The following HSD17B4 variants were observed in gnomAD, a reference collection of about 807,000 sequenced individuals.
HSD17B4 encodes peroxisomal multifunctional enzyme type 2.
Under a neutral mutation model 101.0 loss-of-function variants are expected in HSD17B4, and 70 were observed. The ratio of observed to expected loss-of-function variants is 0.69; its 90% CI spans 0.57 to 0.85. The LOEUF (loss-of-function observed/expected upper bound fraction) is 0.85. Ranked by LOEUF, HSD17B4 falls within the 40% of genes least tolerant of loss-of-function variation. The pLI, the probability that HSD17B4 is intolerant of heterozygous loss-of-function variation, is 0.00. For missense variants in HSD17B4, 984 were observed against 892.4 expected (o/e 1.10, Z -1.31); for synonymous variants, 347 against 297.1 (o/e 1.17, Z -1.73).
intron 17 of HSD17B4, 116 bp downstream of exon 17, chr5:119,515,162 A>G: frequency 1.4e-6 from 1 of 701,728 alleles, no homozygotes; most frequent in Non-Finnish European, 2.6e-6. Context: ...ATATGTTATT[A>G]TTCAACATAA....
At chr5:119,521,750 G>T (rs2126861211) in intron 17 of HSD17B4, among the ~76,000 whole-genome samples, 1 of 151,734 alleles carries the variant, frequency 6.6e-6, no homozygotes, top group East Asian at 1.9e-4. Context: ...CTTCATGTAT[G>T]TCATCCATTT....
intron 17 of HSD17B4, among the ~76,000 whole-genome samples, chr5:119,515,804 A>G (rs748261623): frequency 3.9e-5 from 6 of 152,280 alleles, no homozygotes; most frequent in Non-Finnish European, 7.4e-5. Flanking sequence ...CAGAAAGGTC[A>G]CTTTAAAAAA....
intron 2 of HSD17B4, among the ~76,000 whole-genome samples, chr5:119,465,694 A>G (rs1360264098): frequency 6.6e-6 from 1 of 152,212 alleles, no homozygotes; most frequent in Non-Finnish European, 1.5e-5. Flanking sequence ...ACTTTACTGT[A>G]TTCATTTATC....
At chr5:119,516,665 A>C (rs535728893) in intron 17 of HSD17B4, among the ~76,000 whole-genome samples, 1 of 152,326 alleles carries the variant, frequency 6.6e-6, no homozygotes, top group East Asian at 1.9e-4. Flanking sequence ...ATTTTGCATA[A>C]AACTTTGCAT....
chr5:119,488,401 T>C (rs997537450), intron 8 of HSD17B4, among the ~76,000 whole-genome samples: 1 of 152,130 alleles, frequency 6.6e-6, no homozygotes, highest in African/African-American at 2.4e-5. Flanking sequence ...ATAGAAGGAA[T>C]AAATTCTAGT....
intron 2 of HSD17B4, among the ~76,000 whole-genome samples, chr5:119,460,092 G>T (rs1755071336): frequency 1.3e-5 from 2 of 151,422 alleles, no homozygotes; most frequent in South Asian, 4.2e-4. Context: ...AGCCAGGATG[G>T]TCTCGATCTC....
chr5:119,475,774 A>G (rs775250197), intron 5 of HSD17B4, 47 bp downstream of exon 5: 83 of 1,582,828 alleles, frequency 5.2e-5, no homozygotes, highest in Non-Finnish European at 6.8e-5. Flanking sequence ...TAATTTTTTT[A>G]AAAAGTATAT....
chr5:119,471,654 T>G (rs1361120303), intron 2 of HSD17B4: 9 of 1,425,276 alleles, frequency 6.3e-6, no homozygotes, highest in Non-Finnish European at 8.4e-6. Context: ...ATCTATGCAA[T>G]AACCCTATGG....
intron 2 of HSD17B4, chr5:119,456,673 G>A (rs1233644405): frequency 2.4e-6 from 1 of 415,158 alleles, no homozygotes; most frequent in Non-Finnish European, 4.4e-6. Flanking sequence ...CTTGAGACCA[G>A]GAGTTCGAGC....
chr5:119,536,919 CT>C (rs1183813632), intron 23 of HSD17B4, among the ~76,000 whole-genome samples: 1 of 152,028 alleles, frequency 6.6e-6, no homozygotes, highest in Non-Finnish European at 1.5e-5. Context: ...CCATGTCTTA[CT>C]TAGGGTGAAT....
chr5:119,474,281 A>G (rs1045569040), intron 3 of HSD17B4, 120 bp from the exon 4 acceptor site: 5 of 773,956 alleles, frequency 6.5e-6, no homozygotes, highest in South Asian at 1.4e-5. Flanking sequence ...GTAGATATGG[A>G]TATGTTCTTC....
intron 6 of HSD17B4, among the ~76,000 whole-genome samples, chr5:119,477,046 T>C (rs1748653759): frequency 6.6e-6 from 1 of 152,214 alleles, no homozygotes; most frequent in Non-Finnish European, 1.5e-5. Context: ...AGCTATGTGA[T>C]TTATGATTAT....
intron 8 of HSD17B4, among the ~76,000 whole-genome samples, chr5:119,482,215 G>T (rs1050252024): frequency 6.6e-6 from 1 of 151,716 alleles, no homozygotes; most frequent in Admixed American, 6.6e-5. Flanking sequence ...TTGCGTTTCC[G>T]TGCAGGAAGT....
At chr5:119,500,274 G>A (rs1016184227) in intron 13 of HSD17B4, among the ~76,000 whole-genome samples, 8 of 151,862 alleles carry the variant, frequency 5.3e-5, no homozygotes, top group African/African-American at 1.9e-4. Flanking sequence ...GGATGAAGAT[G>A]TTTGTTCTGG....
intron 2 of HSD17B4, among the ~76,000 whole-genome samples, chr5:119,470,944 A>G (rs922776944): frequency 6.6e-6 from 1 of 152,172 alleles, no homozygotes; most frequent in Admixed American, 6.5e-5. Context: ...ATTTACCCCA[A>G]TATTATTTAA....
At chr5:119,520,680 C>T (rs1356802404) in intron 17 of HSD17B4, among the ~76,000 whole-genome samples, 2 of 152,146 alleles carry the variant, frequency 1.3e-5, no homozygotes, top group Non-Finnish European at 2.9e-5. Context: ...TGGTAACCCC[C>T]ACCTTTTTTT....
intron 8 of HSD17B4, among the ~76,000 whole-genome samples, chr5:119,479,913 C>T (rs1343338456): frequency 1.3e-5 from 2 of 152,054 alleles, no homozygotes; most frequent in African/African-American, 4.8e-5. Context: ...TAAGAAATTG[C>T]CAAACTATCT....
At chr5:119,493,748 G>T (rs1017305556) in intron 10 of HSD17B4, 70 bp from the exon 11 acceptor site, 1 of 1,376,342 alleles carries the variant, frequency 7.3e-7, no homozygotes, top group Admixed American at 1.7e-5. Context: ...AAAATGAAAG[G>T]GTTCTTATGC....
intron 8 of HSD17B4, among the ~76,000 whole-genome samples, chr5:119,481,424 G>C (rs1200433778): frequency 6.6e-6 from 1 of 152,128 alleles, no homozygotes; most frequent in Non-Finnish European, 1.5e-5. Flanking sequence ...AGAATTCTCT[G>C]TTGGTGGCTT....
Sources: allele counts gnomAD v4.1 joint callset (sites outside exome capture counted in the v4.1 genomes callset), GRCh38; gene constraint gnomAD v4.1.1; transcripts MANE v1.5; gene names NCBI Gene and HGNC (gene_info 2026-07-23, HGNC 2026-07-21).